MYO1B: variants seen among roughly 807,000 people sequenced by gnomAD.
The protein encoded by MYO1B is unconventional myosin-Ib.
MYO1B carries 72 observed loss-of-function variants against 159.7 expected under a neutral mutation model. That is an observed-to-expected ratio of 0.45 (90% confidence interval 0.37 to 0.55). The LOEUF (loss-of-function observed/expected upper bound fraction) is 0.55. MYO1B is among the 20% of genes least tolerant of loss of function. The probability of loss-of-function intolerance (pLI) is 0.00; values close to 1 mark genes in which losing one functional copy is unlikely to be tolerated. For missense variants in MYO1B, 1,062 were observed against 1,364.8 expected, an observed-to-expected ratio of 0.78 and a Z score of 3.50; for synonymous variants, 468 against 473.8, an observed-to-expected ratio of 0.99 and a Z score of 0.16.
At chr2:191,358,121 A>T (rs1415592656) in intron 7 of MYO1B, among the ~76,000 whole-genome samples, 8 of 152,078 alleles carry the variant, frequency 5.3e-5, no homozygotes, top group African/African-American at 1.9e-4. Context: ...TTTGGCTGGA[A>T]AATTATAAAG....
chr2:191,289,224 A>G lies in MYO1B; in HGVS notation c.136-6887A>G, dbSNP rs144178789. ...TACACAAAGGTTGAAGATGCTTTAT[A>G]TGGCATTGTGCAACACAAGTTTCCT... On this transcript the variant is annotated intron_variant, in intron 2 of 30. Transcript: ENST00000392318. Among the ~76,000 whole-genome samples, 593 of 152,306 alleles carry G rather than the reference A, an allele frequency of 3.9e-3. 4 individuals carry two copies. The highest frequency in any genetic ancestry group is 0.014 in the African/African-American group (568 of 41,552).
chr2:191,423,710 G>T, intron 30 of MYO1B, 127 bp from the exon 31 acceptor site: 1 of 936,788 alleles, frequency 1.1e-6, no homozygotes, highest in South Asian at 2.9e-5. Flanking sequence ...TCAGATTTTC[G>T]GATTAGGTTA....
At chr2:191,397,732 C>A (rs1696221193) in intron 21 of MYO1B, among the ~76,000 whole-genome samples, 1 of 145,372 alleles carries the variant, frequency 6.9e-6, no homozygotes, top group African/African-American at 2.6e-5. Context: ...GGGGTCGTGG[C>A]CGGGCAGAGG....
intron 5 of MYO1B, among the ~76,000 whole-genome samples, chr2:191,343,716 G>C (rs972504429): frequency 5.3e-5 from 8 of 152,212 alleles, no homozygotes; most frequent in African/African-American, 1.9e-4. Context: ...GCTGTAGCCT[G>C]CATCTGTGAC....
At chr2:191,396,737 G>GCTT (rs1696098609) in intron 21 of MYO1B, among the ~76,000 whole-genome samples, 1 of 152,184 alleles carries the variant, frequency 6.6e-6, no homozygotes, top group East Asian at 1.9e-4. Context: ...GGAAGTCCTT[G>GCTT]AAATAATACC....
chr2:191,323,591 A>G (rs1394250110), intron 3 of MYO1B, among the ~76,000 whole-genome samples: 1 of 152,160 alleles, frequency 6.6e-6, no homozygotes, highest in Non-Finnish European at 1.5e-5. Flanking sequence ...GACCTAAGTA[A>G]TCTATGAAAT....
chr2:191,421,967 A>G (rs1191124029), intron 30 of MYO1B, among the ~76,000 whole-genome samples: 2 of 152,216 alleles, frequency 1.3e-5, no homozygotes, highest in African/African-American at 4.8e-5. Flanking sequence ...TGAAGAACCC[A>G]TTTAAAAGAT....
In MYO1B at chr2:191,379,718, T is replaced by C. The variant is rs114459811; in HGVS notation, c.1186-1744T>C. ...AAAAAAAGTCAAAGATCTGCTCTTA[T>C]AAGTTATTAATGTTTTACTTTTACT... On this transcript the variant is annotated intron_variant, in intron 13 of 30. Coordinates refer to ENST00000392318, the MANE Select transcript of MYO1B (RefSeq NM_001130158.3). Among the ~76,000 whole-genome samples, 795 of 152,348 alleles carry C rather than the reference T, an allele frequency of 5.2e-3. 4 individuals are homozygous for C. The highest frequency in any genetic ancestry group is 9.7e-3 in the Non-Finnish European group (657 of 68,034).
At chr2:191,293,129 CA>C (rs1688779926) in intron 2 of MYO1B, among the ~76,000 whole-genome samples, 1 of 152,252 alleles carries the variant, frequency 6.6e-6, no homozygotes, top group East Asian at 1.9e-4. Context: ...TCCTAATACA[CA>C]AATGCTTCTC....
At chr2:191,318,542 GTC>G (rs1253684553) in intron 3 of MYO1B, among the ~76,000 whole-genome samples, 8 of 152,150 alleles carry the variant, frequency 5.3e-5, no homozygotes, top group African/African-American at 7.2e-5. Context: ...CCGATCCAAG[GTC>G]TCTCGCTTCT....
chr2:191,399,021 C>T (rs1286421249), intron 21 of MYO1B, among the ~76,000 whole-genome samples: 3 of 152,124 alleles, frequency 2.0e-5, no homozygotes, highest in South Asian at 2.1e-4. Context: ...CCCGGCACCT[C>T]GGGAGGCCGA....
rs1165392854 is a variant in MYO1B at position 191,387,312 on chromosome 2, C to T, written c.1643C>T (p.Ala548Val). The T allele has an allele frequency of 3.7e-6, 6 of 1,614,022 alleles. No homozygotes were observed. In the African/African-American group the frequency reaches 8.0e-5, roughly 22 times the overall value. Residue 548 changes from alanine (A) to valine (V), a missense_variant, in exon 17 of 31, where the codon GCC becomes GTC. Coordinates refer to ENST00000392318, the MANE Select transcript of MYO1B (RefSeq NM_001130158.3). ...LSQAMWKASH[A>V]LIKSLFPEGN... is the part of the protein sequence containing the mutation. ...CAAGCCATGTGGAAGGCCAGCCATG[C>T]CCTCATCAAGTCTTTGTTCCCCGAA...
intron 1 of MYO1B, among the ~76,000 whole-genome samples, chr2:191,247,498 A>C (rs767824909): frequency 1.2e-4 from 19 of 152,184 alleles, no homozygotes; most frequent in Non-Finnish European, 2.6e-4. Context: ...GCTGAAAAGC[A>C]CTGGGAGTTG....
intron 14 of MYO1B, 97 bp from the exon 15 acceptor site, chr2:191,383,183 A>G (rs529501311): frequency 5.8e-6 from 4 of 689,788 alleles, no homozygotes; most frequent in African/African-American, 5.7e-5. Flanking sequence ...TTCAGAGAGG[A>G]AGGGAAATAT....
Position 191,341,511 on chromosome 2 carries a change from G to A in MYO1B, c.397G>A (p.Ala133Thr), listed in dbSNP as rs139314401. ...SYVAAVCGKG[A>T]EVNQVKEQLL... ...TGTGGCAGCTGTTTGTGGAAAAGGA[G>A]CAGAAGTTAATCAAGTTAAAGAACA... is the stretch of plus-strand genomic sequence containing the variant. The change falls in exon 5 of 31, where the codon GCA becomes ACA. Residue 133 changes from alanine (A) to threonine (T), a missense_variant. By Grantham distance (58) the Ala-to-Thr change is moderately conservative. Transcript: ENST00000392318. 2 of 1,613,930 alleles carry A rather than the reference G, an allele frequency of 1.2e-6. No homozygotes were observed. Among genetic ancestry groups the A allele is most frequent in the African/African-American group, 1.3e-5 (1 of 74,896 alleles).
intron 1 of MYO1B, among the ~76,000 whole-genome samples, chr2:191,248,802 T>C (rs1434086220): frequency 6.6e-6 from 1 of 152,172 alleles, no homozygotes; most frequent in Non-Finnish European, 1.5e-5. Context: ...TATGGTATGA[T>C]GTATTTTAAT....
intron 9 of MYO1B, among the ~76,000 whole-genome samples, chr2:191,362,580 G>A (rs577913049): frequency 6.6e-6 from 1 of 152,338 alleles, no homozygotes; most frequent in Admixed American, 6.5e-5. Context: ...ATTAGAGCAT[G>A]TGATTTTACC....
At position 191,322,417 on chromosome 2, in the gene MYO1B, AC is replaced by A. The variant is rs575901830; in HGVS notation, c.252-7516del. On this transcript the variant is annotated intron_variant, in intron 3 of 30. Transcript: ENST00000392318. The stretch of plus-strand genomic sequence containing the variant: ...CTCCAATACCTGGCTTCTGCAATCC[AC>A]CTTTGAAAAAGAGTCACTCTTTGGC... Among the ~76,000 whole-genome samples the A allele has an allele frequency of 3.9e-5, 6 of 152,106 alleles. No homozygotes were observed. The South Asian group carries it at 1.0e-3, about 26-fold the overall frequency.
At chr2:191,313,530 G>T (rs917821690) in intron 3 of MYO1B, among the ~76,000 whole-genome samples, 1 of 152,158 alleles carries the variant, frequency 6.6e-6, no homozygotes, top group Non-Finnish European at 1.5e-5. Flanking sequence ...GACTACAGGC[G>T]CCCGCCACCA....
Sources: gnomAD v4.1 joint callset for allele counts (sites outside exome capture counted in the v4.1 genomes callset) on GRCh38, gnomAD v4.1.1 for gene constraint, MANE v1.5 for transcripts, NCBI Gene and HGNC (gene_info 2026-07-23, HGNC 2026-07-21) for gene names.